The following ADGRL2 variants were observed in gnomAD, a reference collection of about 807,000 sequenced individuals.
ADGRL2 encodes the protein adhesion G protein-coupled receptor L2.
A neutral mutation model predicts 157.4 loss-of-function variants in ADGRL2; 44 were observed. The observed-to-expected ratio is 0.28, with a 90% CI of 0.22 to 0.36. ADGRL2 has a LOEUF of 0.36. Among genes scored for constraint, ADGRL2 ranks in the 10% least tolerant of loss-of-function variants. The pLI is 1.00. For missense variants in ADGRL2, 1,510 were observed against 1,768.9 expected (o/e 0.85, Z 2.63); for synonymous variants, 585 against 624.7 (o/e 0.94, Z 0.95).
chr1:81,469,256 G>A (rs1351160320), intron 2 of ADGRL2, among the ~76,000 whole-genome samples: 1 of 152,104 alleles, frequency 6.6e-6, no homozygotes, highest in African/African-American at 2.4e-5. Context: ...TTCTGCCTCT[G>A]TTTTTTCTAA....
At chr1:81,502,537 G>A in intron 2 of ADGRL2, 2 of 1,614,044 alleles carry the variant, frequency 1.2e-6, no homozygotes, top group African/African-American at 1.3e-5. Context: ...TGTACATGCT[G>A]TATAAGCTGG....
At chr1:81,975,092 G>GAC (rs1206782186) in intron 17 of ADGRL2, among the ~76,000 whole-genome samples, 1 of 151,682 alleles carries the variant, frequency 6.6e-6, no homozygotes, top group Admixed American at 6.6e-5. Flanking sequence ...CCTGCACACA[G>GAC]ACACACACAC....
chr1:81,321,510 G>C (rs1660495343), intron 1 of ADGRL2, among the ~76,000 whole-genome samples: 1 of 152,110 alleles, frequency 6.6e-6, no homozygotes, highest in Non-Finnish European at 1.5e-5. Context: ...AGAGGCCATT[G>C]TATGGTTATT....
chr1:81,412,469 CCTCT>C (rs1324572235), intron 1 of ADGRL2, among the ~76,000 whole-genome samples: 2 of 152,198 alleles, frequency 1.3e-5, no homozygotes, highest in South Asian at 2.1e-4. Flanking sequence ...CCCAGATCCA[CCTCT>C]CTAACTTAGA....
intron 1 of ADGRL2, among the ~76,000 whole-genome samples, chr1:81,380,638 T>C (rs1170216814): frequency 6.6e-6 from 1 of 152,218 alleles, no homozygotes; most frequent in Non-Finnish European, 1.5e-5. Flanking sequence ...CTCTCTATTT[T>C]CCTGACTTAC....
intron 1 of ADGRL2, among the ~76,000 whole-genome samples, chr1:81,361,215 C>T (rs748927267): frequency 7.2e-5 from 11 of 151,836 alleles, no homozygotes; most frequent in East Asian, 3.9e-4. Context: ...CTCTGAGTGG[C>T]GATCCATTGA....
intron 1 of ADGRL2, among the ~76,000 whole-genome samples, chr1:81,711,942 A>G (rs1422381089): frequency 6.6e-6 from 1 of 152,168 alleles, no homozygotes; most frequent in Admixed American, 6.5e-5. Flanking sequence ...TGATAGAGGA[A>G]AGCAAAAAAA....
chr1:81,434,575 C>A (rs1175097187), intron 1 of ADGRL2, among the ~76,000 whole-genome samples: 4 of 151,938 alleles, frequency 2.6e-5, no homozygotes, highest in South Asian at 2.1e-4. Flanking sequence ...CCAGTGAATA[C>A]AAAACTGTAG....
chr1:81,798,103 C>A (rs1297977038), upstream of ADGRL2, among the ~76,000 whole-genome samples: 1 of 152,150 alleles, frequency 6.6e-6, no homozygotes, highest in Non-Finnish European at 1.5e-5. Flanking sequence ...TACTCCAACT[C>A]TCCTTAACTT....
chr1:81,430,376 C>T (rs191183233), intron 1 of ADGRL2, among the ~76,000 whole-genome samples: 105 of 152,290 alleles, frequency 6.9e-4, no homozygotes, highest in African/African-American at 2.4e-3. Context: ...GCTAGAGAAG[C>T]CCTGCCTCTT....
intron 2 of ADGRL2, among the ~76,000 whole-genome samples, chr1:81,899,850 A>G (rs1045478614): frequency 3.3e-5 from 5 of 152,258 alleles, no homozygotes; most frequent in Admixed American, 1.3e-4. Flanking sequence ...TTCCCTGACC[A>G]TCAGACACAG....
chr1:81,341,619 T>C (rs1231543323), intron 1 of ADGRL2, among the ~76,000 whole-genome samples: 1 of 152,160 alleles, frequency 6.6e-6, no homozygotes. Context: ...CAGTTTACTA[T>C]TTATTTCATT....
intron 2 of ADGRL2, among the ~76,000 whole-genome samples, chr1:81,448,639 A>G (rs1163372306): frequency 6.6e-6 from 1 of 152,126 alleles, no homozygotes; most frequent in Non-Finnish European, 1.5e-5. Context: ...AGTTAGAGAC[A>G]GGAGTTAGAG....
chr1:81,537,445 T>G (rs2079768175), intron 2 of ADGRL2, among the ~76,000 whole-genome samples: 1 of 150,842 alleles, frequency 6.6e-6, no homozygotes, highest in Non-Finnish European at 1.5e-5. Flanking sequence ...CACCATGCCC[T>G]GCTAATTTTG....
chr1:81,503,171 G>C (rs2078893081), intron 2 of ADGRL2: 4 of 1,614,178 alleles, frequency 2.5e-6, no homozygotes, highest in East Asian at 4.5e-5. Context: ...AGCATGGCAC[G>C]GCAGCTCCCC....
chr1:81,795,762 A>G (rs550344569), upstream of ADGRL2, among the ~76,000 whole-genome samples: 4 of 152,224 alleles, frequency 2.6e-5, no homozygotes, highest in Non-Finnish European at 5.9e-5. Context: ...TAGATTTGAT[A>G]GAGTTACTTC....
chr1:81,556,036 C>A (rs2080268091), intron 2 of ADGRL2, among the ~76,000 whole-genome samples: 1 of 151,704 alleles, frequency 6.6e-6, no homozygotes, highest in Non-Finnish European at 1.5e-5. Flanking sequence ...TATAAACTTA[C>A]CCCCAAAAGA....
At chr1:81,505,198 CCACA>C (rs371854437) in intron 2 of ADGRL2, 88,472 of 498,264 alleles carry the variant, frequency 0.18, 4,916 homozygotes, top group African/African-American at 0.38. Context: ...ACCCCCACTC[CCACA>C]CACACACACA....
chr1:81,774,646 G>C (rs1313834741), intron 2 of ADGRL2, among the ~76,000 whole-genome samples: 1 of 152,128 alleles, frequency 6.6e-6, no homozygotes, highest in East Asian at 1.9e-4. Flanking sequence ...ATGTGACAGT[G>C]TCTTCCACCA....
Sources: allele counts gnomAD v4.1 joint callset (sites outside exome capture counted in the v4.1 genomes callset), GRCh38; gene constraint gnomAD v4.1.1; transcripts MANE v1.5; gene names NCBI Gene and HGNC (gene_info 2026-07-23, HGNC 2026-07-21).